RNH1: variants seen among roughly 807,000 people sequenced by gnomAD.
The protein encoded by RNH1 is ribonuclease inhibitor.
In RNH1, 38 loss-of-function variants were observed where a neutral mutation model predicts 46.1. That is an observed-to-expected ratio of 0.82 (90% confidence interval 0.64 to 1.08). The LOEUF (loss-of-function observed/expected upper bound fraction) is 1.08, where lower values mean the gene tolerates loss of function less well. RNH1 is among the 50% of genes least tolerant of loss of function. RNH1 has a pLI of 0.00. For missense variants in RNH1, 577 were observed against 590.7 expected (o/e 0.98, Z 0.24); for synonymous variants, 319 against 279.1 (o/e 1.14, Z -1.43).
At chr11:495,130 G>A in intron 9 of RNH1, 77 bp from the exon 10 acceptor site, 1 of 1,450,376 alleles carries the variant, frequency 6.9e-7, no homozygotes, top group Non-Finnish European at 9.4e-7. Flanking sequence ...GCCTGGGCCT[G>A]GGGGGCGCGA....
At position 499,929 on chromosome 11, in the gene RNH1, G is replaced by A. The variant is rs1412211487; in HGVS notation, c.343C>T (p.Leu115=). 8 of 1,612,004 alleles carry A rather than the reference G, an allele frequency of 5.0e-6. No homozygotes were observed. The highest frequency in any genetic ancestry group is 6.8e-6 in the Non-Finnish European group (8 of 1,179,580). The change falls in exon 5 of 11, where the codon CTG becomes TTG. Residue 115 remains leucine, a synonymous_variant. Coordinates refer to ENST00000354420, the MANE Select transcript of RNH1 (RefSeq NM_203387.3). The stretch of plus-strand genomic sequence containing the variant: ...TTGTCGCTGAGGTGCAGCTCCTGCA[G>A]GGTGGGCAGGGTGCGTAGTGTGCTG... ...LSSTLRTLPT[L]QELHLSDNLL...
At position 496,682 on chromosome 11, in the gene RNH1, A is replaced by T. The variant is rs183211187; in HGVS notation, c.1127+1289T>A. ...AGACTCTCTCAAAAAAACAAACAAA[A>T]TAAAATTAGCCGGGCATAATGGTGC... On this transcript the variant is annotated intron_variant, in intron 9 of 10. Transcript: ENST00000354420. 1.1e-3 allele frequency among the ~76,000 whole-genome samples: 163 copies of T among 152,332 alleles called. 1 individual carries two copies. Among genetic ancestry groups the T allele is most frequent in the African/African-American group, 3.8e-3 (158 of 41,582 alleles).
At chr11:498,322 T>C in intron 8 of RNH1, 135 bp downstream of exon 8, 3 of 1,311,150 alleles carry the variant, frequency 2.3e-6, no homozygotes, top group Non-Finnish European at 3.1e-6. Flanking sequence ...CACAGGCTGC[T>C]CCCTGGCCTA....
In RNH1 at chr11:497,869, G is replaced by A. The variant is rs550535316; in HGVS notation, c.1127+102C>T. ...ACCCATGTGTGCTCACATACACACG[G>A]ACACTCGTGCTCACACAGATACTCG... On this transcript the variant is annotated intron_variant, in intron 9 of 10. Transcript: ENST00000354420. The A allele has an allele frequency of 5.0e-6, 7 of 1,397,964 alleles. No individual in the cohort carries two copies. In the South Asian group the frequency reaches 7.9e-5, roughly 16 times the overall value. The allele number at this position is 1,397,964 out of a possible 1,614,324, so 86.6% of individuals were successfully genotyped here. A position where few individuals can be genotyped will look rare whatever the true frequency, so the allele number is the denominator to read the frequency against.
intron 5 of RNH1, chr11:499,432 A>G: frequency 1.5e-6 from 1 of 677,572 alleles, no homozygotes; most frequent in East Asian, 2.7e-5. Flanking sequence ...GGCCCGGGAG[A>G]AAGAAACCAG....
chr11:499,761 C>A (rs1250672838), intron 5 of RNH1, 68 bp downstream of exon 5: 1 of 1,562,984 alleles, frequency 6.4e-7, no homozygotes, highest in Non-Finnish European at 8.7e-7. Flanking sequence ...AGGCGATGTT[C>A]TATGTAGGGG....
At chr11:498,333 T>C in intron 8 of RNH1, 124 bp downstream of exon 8, 1 of 1,366,794 alleles carries the variant, frequency 7.3e-7, no homozygotes, top group Non-Finnish European at 1.0e-6. Context: ...CCCTGGCCTA[T>C]GCATTCTGAA....
Position 507,153 on chromosome 11 carries a change from G to C in RNH1, c.-301C>G, listed in dbSNP as rs570938872. On this transcript the variant is annotated 5_prime_UTR_variant, in exon 1 of 11. Transcript: ENST00000354420. ...GGACGGTCGCGGGCCTGGAGACCCA[G>C]AGCGAGACGGCCTACTTCGTTCTCG... 6 of 152,398 alleles carry C rather than the reference G, an allele frequency of 3.9e-5. No homozygotes were observed. Among genetic ancestry groups the C allele is most frequent in the African/African-American group, 1.4e-4 (6 of 41,574 alleles). The allele number at this position is 152,398 out of a possible 1,614,324, so 9.4% of individuals were successfully genotyped here. A position where few individuals can be genotyped will look rare whatever the true frequency, so the allele number is the denominator to read the frequency against.
intron 6 of RNH1, 31 bp from the exon 7 acceptor site, chr11:498,964 C>A (rs747400415): frequency 1.9e-6 from 3 of 1,611,064 alleles, no homozygotes; most frequent in Non-Finnish European, 8.5e-7. Flanking sequence ...TGAGGCAGCA[C>A]GGGACCCCCC....
intron 2 of RNH1, chr11:503,526 A>T (rs1427928673): frequency 6.6e-6 from 1 of 152,076 alleles, no homozygotes. Flanking sequence ...GGAGGAACTG[A>T]ATCCAACCGA....
chr11:499,149 C>A lies in RNH1; in HGVS notation c.480G>T (p.Glu160Asp), dbSNP rs1445295164. Residue 160 changes from glutamate (E) to aspartate (D), a missense_variant, in exon 6 of 11, where the codon GAG becomes GAT. Physicochemically the swap from Glu to Asp is conservative, Grantham distance 45. Coordinates refer to ENST00000354420, the MANE Select transcript of RNH1 (RefSeq NM_203387.3). ...EYCSLSAASC[E>D]PLASVLRAKP... Reference sequence around the variant, plus strand: ...TGGCCCTGAGCACGGAGGCCAGGGGCTCGCAGCTGGCAGCCGAGAGGCTGC... The same window carrying A: ...TGGCCCTGAGCACGGAGGCCAGGGGATCGCAGCTGGCAGCCGAGAGGCTGC... The A allele has an allele frequency of 1.2e-6, 2 of 1,613,060 alleles. No homozygotes were observed. Among genetic ancestry groups the A allele is most frequent in the Non-Finnish European group, 1.7e-6 (2 of 1,179,974 alleles).
chr11:500,349 C>T, intron 4 of RNH1, 135 bp downstream of exon 4: 1 of 1,076,130 alleles, frequency 9.3e-7, no homozygotes, highest in South Asian at 1.5e-5. Context: ...GTGCCTCTGG[C>T]TGATGTTGGA....
chr11:500,293 G>A, intron 4 of RNH1, 191 bp downstream of exon 4: 1 of 739,768 alleles, frequency 1.4e-6, no homozygotes, highest in Non-Finnish European at 2.2e-6. Flanking sequence ...GCTGGGATAA[G>A]GCAGGAAGGG....
Position 498,527 on chromosome 11 carries a change from G to A in RNH1, c.886C>T (p.Leu296=), listed in dbSNP as rs745557422. ...LKELSLAGNE[L]GDEGARLLCE... is the part of the protein sequence containing the mutation. ...AGCAGTCGGGCACCCTCATCCCCCA[G>A]CTCGTTGCCGGCCAGGCTGAGCTCC... Residue 296 remains leucine (L), a synonymous_variant, in exon 8 of 11, where the codon CTG becomes TTG. Coordinates refer to ENST00000354420, the MANE Select transcript of RNH1 (RefSeq NM_203387.3). 6.2e-7 allele frequency: 1 copy of A among 1,613,252 alleles called. No homozygotes were observed. Among genetic ancestry groups the A allele is most frequent in the South Asian group, 1.1e-5 (1 of 91,092 alleles).
intron 2 of RNH1, among the ~76,000 whole-genome samples, chr11:504,198 C>CG (rs1263286272): frequency 1.2e-4 from 19 of 152,184 alleles, no homozygotes; most frequent in Admixed American, 1.2e-3. Context: ...TCCGACGTGA[C>CG]GGGGGCGCGG....
intron 9 of RNH1, 41 bp from the exon 10 acceptor site, chr11:495,094 T>C (rs1331568498): frequency 6.4e-7 from 1 of 1,572,808 alleles, no homozygotes; most frequent in Non-Finnish European, 8.6e-7. Flanking sequence ...CGGGCGTGCC[T>C]GGCACCGCAC....
At position 494,585 on chromosome 11, in the gene RNH1, T is replaced by C. The variant is rs1218236178; in HGVS notation, c.*106A>G. On this transcript the variant is annotated 3_prime_UTR_variant, in exon 11 of 11. Transcript: ENST00000354420. ...GGCAGAAATAAGCGGATCTGAGCGT[T>C]TCTCTTCAAACCTAGGATATGCAGG... 3 of 955,522 alleles carry C rather than the reference T, an allele frequency of 3.1e-6. No individual in the cohort carries two copies. Among genetic ancestry groups the C allele is most frequent in the Non-Finnish European group, 3.3e-6 (2 of 606,410 alleles). The allele number at this position is 955,522 out of a possible 1,614,324, so 59.2% of individuals were successfully genotyped here.
chr11:500,277 GC>G, intron 4 of RNH1: 1 of 695,448 alleles, frequency 1.4e-6, no homozygotes, highest in Non-Finnish European at 2.4e-6. Flanking sequence ...GATCTTGGGT[GC>G]GGGGGCTGGG....
At chr11:498,218 G>T (rs1016516757) in intron 8 of RNH1, 77 bp from the exon 9 acceptor site, 11 of 1,487,004 alleles carry the variant, frequency 7.4e-6, no homozygotes, top group Non-Finnish European at 9.9e-6. Flanking sequence ...TCCCCTGAAG[G>T]CCCCACGTGG....
Sources: allele counts gnomAD v4.1 joint callset (sites outside exome capture counted in the v4.1 genomes callset), GRCh38; gene constraint gnomAD v4.1.1; transcripts MANE v1.5; gene names NCBI Gene and HGNC (gene_info 2026-07-23, HGNC 2026-07-21).